The following ADK variants were observed in gnomAD, a reference collection of about 807,000 sequenced individuals.
ADK encodes adenosine kinase.
A neutral mutation model predicts 44.7 loss-of-function variants in ADK; 24 were observed. The ratio of observed to expected loss-of-function variants is 0.54; its 90% CI spans 0.39 to 0.76. The LOEUF (loss-of-function observed/expected upper bound fraction) is 0.76, where lower values mean the gene tolerates loss of function less well. Ranked by LOEUF, ADK falls within the 30% of genes least tolerant of loss-of-function variation. The pLI, the probability that ADK is intolerant of heterozygous loss-of-function variation, is 0.00. For missense variants in ADK, 321 were observed against 425.1 expected (o/e 0.76, Z 2.15); for synonymous variants, 128 against 142.6 (o/e 0.90, Z 0.73).
At chr10:74,602,105 CAAAAAAAAAAA>C (rs58400071) in intron 9 of ADK, among the ~76,000 whole-genome samples, 6 of 48,788 alleles carry the variant, frequency 1.2e-4, no homozygotes, top group African/African-American at 3.5e-4. Flanking sequence ...ACCCTGTCTC[CAAAAAAAAAAA>C]AAAAAAAAAA....
chr10:74,224,988 C>G (rs1442836735), intron 3 of ADK, among the ~76,000 whole-genome samples: 2 of 152,312 alleles, frequency 1.3e-5, no homozygotes, highest in East Asian at 3.9e-4. Context: ...GTGGATCACC[C>G]ACCTTCATGG....
At chr10:74,485,831 A>G (rs1212283296) in intron 6 of ADK, among the ~76,000 whole-genome samples, 1 of 152,196 alleles carries the variant, frequency 6.6e-6, no homozygotes, top group Non-Finnish European at 1.5e-5. Context: ...AAGACTCAAT[A>G]CTGTAAAGAT....
intron 4 of ADK, among the ~76,000 whole-genome samples, chr10:74,366,007 C>T (rs1842487601): frequency 6.6e-6 from 1 of 152,154 alleles, no homozygotes; most frequent in South Asian, 2.1e-4. Context: ...GTTGCCCATG[C>T]ATACATCTTT....
At chr10:74,351,647 A>G (rs770946708) in intron 4 of ADK, among the ~76,000 whole-genome samples, 11 of 152,212 alleles carry the variant, frequency 7.2e-5, no homozygotes, top group Non-Finnish European at 1.5e-4. Context: ...TGCAGATGAC[A>G]TGATTGTATA....
At chr10:74,245,743 A>G (rs1845392633) in intron 3 of ADK, among the ~76,000 whole-genome samples, 1 of 152,014 alleles carries the variant, frequency 6.6e-6, no homozygotes, top group Non-Finnish European at 1.5e-5. Context: ...GGCATGCACC[A>G]TCACGCCTGG....
chr10:74,610,510 T>C (rs531600097), intron 9 of ADK, among the ~76,000 whole-genome samples: 2 of 152,274 alleles, frequency 1.3e-5, no homozygotes, highest in African/African-American at 4.8e-5. Context: ...CACAATAATA[T>C]GAATGTACAA....
intron 4 of ADK, among the ~76,000 whole-genome samples, chr10:74,336,360 A>G (rs770560044): frequency 3.9e-5 from 6 of 152,122 alleles, no homozygotes; most frequent in Non-Finnish European, 8.8e-5. Context: ...TATGTTCCAT[A>G]TTCTGTTTCA....
intron 7 of ADK, among the ~76,000 whole-genome samples, chr10:74,561,066 A>G (rs556223230): frequency 3.3e-5 from 5 of 152,328 alleles, no homozygotes; most frequent in African/African-American, 9.6e-5. Context: ...TGTGAGCAGT[A>G]TTATCTGCTG....
intron 9 of ADK, among the ~76,000 whole-genome samples, chr10:74,628,727 C>T (rs1002585234): frequency 3.3e-5 from 5 of 152,020 alleles, no homozygotes; most frequent in African/African-American, 4.8e-5. Flanking sequence ...TCTTAGATAG[C>T]CAGTGTCACT....
intron 6 of ADK, among the ~76,000 whole-genome samples, chr10:74,453,209 A>G (rs1845834044): frequency 6.6e-6 from 1 of 152,090 alleles, no homozygotes; most frequent in Non-Finnish European, 1.5e-5. Context: ...AATTTCTAAA[A>G]TAAAAGTCCA....
At chr10:74,230,068 A>G (rs1264552692) in intron 3 of ADK, among the ~76,000 whole-genome samples, 1 of 141,516 alleles carries the variant, frequency 7.1e-6, no homozygotes, top group Non-Finnish European at 1.5e-5. Context: ...TTTTTTTGGT[A>G]AGAATGAGCT....
intron 7 of ADK, among the ~76,000 whole-genome samples, chr10:74,587,791 C>T (rs1036195441): frequency 6.6e-6 from 1 of 151,414 alleles, no homozygotes; most frequent in Non-Finnish European, 1.5e-5. Flanking sequence ...GTAATATTGC[C>T]TCCCTTTTCT....
At chr10:74,384,085 C>T (rs1303818321) in intron 4 of ADK, among the ~76,000 whole-genome samples, 3 of 152,172 alleles carry the variant, frequency 2.0e-5, no homozygotes, top group Non-Finnish European at 2.9e-5. Flanking sequence ...TGTTCTGCAA[C>T]AACTCCTATT....
chr10:74,566,856 CAGT>C (rs1484137815), intron 7 of ADK, among the ~76,000 whole-genome samples: 1 of 152,136 alleles, frequency 6.6e-6, no homozygotes, highest in African/African-American at 2.4e-5. Flanking sequence ...AGAAAGATAG[CAGT>C]AGAAAAGAAC....
intron 3 of ADK, among the ~76,000 whole-genome samples, chr10:74,301,315 C>G (rs556075506): frequency 6.6e-6 from 1 of 152,088 alleles, no homozygotes; most frequent in Admixed American, 6.6e-5. Context: ...GAGTTCAAGA[C>G]CAGTCTGGCC....
chr10:74,382,650 C>T (rs1279129721), intron 4 of ADK, among the ~76,000 whole-genome samples: 1 of 151,980 alleles, frequency 6.6e-6, no homozygotes, highest in Non-Finnish European at 1.5e-5. Flanking sequence ...GTGAAAGTTT[C>T]AGTAACACAA....
intron 4 of ADK, among the ~76,000 whole-genome samples, chr10:74,344,124 A>G (rs1356276332): frequency 2.0e-5 from 3 of 152,172 alleles, no homozygotes; most frequent in African/African-American, 7.2e-5. Context: ...TCATATGAGT[A>G]TCAGTCTGTA....
rs184020463 is a variant in ADK, at chr10:74,346,525, A to G, written c.273+31780A>G. 5.2e-3 allele frequency among the ~76,000 whole-genome samples: 791 copies of G among 152,300 alleles called. 5 individuals carry two copies. The highest frequency in any genetic ancestry group is 0.018 in the African/African-American group (747 of 41,538). ...TAAATTTTAAAACCAGAAAGACAACACTAGAATCAATTAAATGCAAGATTG... is the reference window on the plus strand; with the variant it reads ...TAAATTTTAAAACCAGAAAGACAACGCTAGAATCAATTAAATGCAAGATTG... On this transcript the variant is annotated intron_variant, in intron 4 of 10. Transcript: ENST00000539909.
intron 3 of ADK, among the ~76,000 whole-genome samples, chr10:74,278,762 T>C (rs1846801660): frequency 6.6e-6 from 1 of 152,192 alleles, no homozygotes; most frequent in African/African-American, 2.4e-5. Flanking sequence ...ATCCTCTAAC[T>C]TGTGGCCTCA....
Sources: allele counts gnomAD v4.1 joint callset (sites outside exome capture counted in the v4.1 genomes callset), GRCh38; gene constraint gnomAD v4.1.1; transcripts MANE v1.5; gene names NCBI Gene and HGNC (gene_info 2026-07-23, HGNC 2026-07-21).